Variants in NWD1 observed in about 807,000 individuals in gnomAD.
NWD1 encodes NACHT and WD repeat domain containing 1.
Under a neutral mutation model 135.1 loss-of-function variants are expected in NWD1, and 129 were observed. The observed-to-expected ratio is 0.96, with a 90% CI of 0.83 to 1.11. NWD1 has a LOEUF of 1.11. Among genes scored for constraint, NWD1 ranks in the 50% least tolerant of loss-of-function variants. The pLI is 0.00. For missense variants in NWD1, 1,740 were observed against 1,851.3 expected (o/e 0.94, Z 1.10); for synonymous variants, 773 against 786.0 (o/e 0.98, Z 0.28).
At position 16,732,417 on chromosome 19, in the gene NWD1, G is replaced by A. The variant is rs1038917883; in HGVS notation, c.81+1139G>A. Among the ~76,000 whole-genome samples the A allele has an allele frequency of 2.6e-5, 4 of 151,634 alleles. No homozygotes were observed. In the Admixed American group the frequency reaches 2.6e-4, roughly 10 times the overall value. On this transcript the variant is annotated intron_variant, in intron 3 of 18. Coordinates refer to ENST00000524140, the MANE Select transcript of NWD1 (RefSeq NM_001007525.5). ...CTGCTGTTTTTGTCTTGCCTTCAGA[G>A]CTTCCTGGCCCTCTTCGTACTGGGC... is the stretch of plus-strand genomic sequence containing the variant.
intron 6 of NWD1, among the ~76,000 whole-genome samples, chr19:16,756,399 C>T (rs1373712584): frequency 1.3e-5 from 2 of 152,122 alleles, no homozygotes; most frequent in African/African-American, 4.8e-5. Context: ...GGGACTTGGT[C>T]TTGCTGTCTC....
At chr19:16,775,987 C>T (rs181327136) in intron 11 of NWD1, among the ~76,000 whole-genome samples, 97 of 152,180 alleles carry the variant, frequency 6.4e-4, no homozygotes, top group African/African-American at 2.1e-3. Context: ...GGTCTTTGTG[C>T]GGATAACTAT....
chr19:16,736,298 G>C (rs1042265375), intron 3 of NWD1, among the ~76,000 whole-genome samples: 1 of 148,668 alleles, frequency 6.7e-6, no homozygotes, highest in Non-Finnish European at 1.5e-5. Context: ...AGTACAATAA[G>C]AGCTCACTGC....
intron 7 of NWD1, among the ~76,000 whole-genome samples, 181 bp from the exon 8 acceptor site, chr19:16,761,798 T>G (rs759979878): frequency 6.6e-6 from 1 of 150,446 alleles, no homozygotes; most frequent in African/African-American, 2.5e-5. Context: ...AGTAAATTGA[T>G]GTAAGGAAAA....
intron 9 of NWD1, 30 bp from the exon 10 acceptor site, chr19:16,765,004 T>A: frequency 6.2e-7 from 1 of 1,611,804 alleles, no homozygotes. Flanking sequence ...GGTAGGCACT[T>A]CCCACATCCT....
At position 16,815,044 on chromosome 19, in the gene NWD1, C is replaced by T. The variant is rs113513619; in HGVS notation, c.*5C>T. 5.1e-4 allele frequency: 818 copies of T among 1,613,888 alleles called. 4 individuals are homozygous for T. In the African/African-American group the frequency reaches 9.5e-3, roughly 19 times the overall value. ...CCCTTACAGGCACCCTGCTGACAGT[C>T]CAGTTTGTCCATGCTGTGGTAAACA... On this transcript the variant is annotated 3_prime_UTR_variant, in exon 19 of 19. Transcript: ENST00000524140.
At chr19:16,778,018 G>A (rs969480192) in intron 11 of NWD1, among the ~76,000 whole-genome samples, 2 of 135,838 alleles carry the variant, frequency 1.5e-5, no homozygotes, top group Non-Finnish European at 3.2e-5. Flanking sequence ...GAAGGAAGGG[G>A]AGGGAAGGGA....
At chr19:16,767,786 A>T (rs944919707) in intron 10 of NWD1, among the ~76,000 whole-genome samples, 1 of 151,880 alleles carries the variant, frequency 6.6e-6, no homozygotes, top group Non-Finnish European at 1.5e-5. Context: ...GAGCCAACCC[A>T]TATCTCTCCC....
At chr19:16,721,810 T>C (rs1269820380) in intron 1 of NWD1, among the ~76,000 whole-genome samples, 3 of 152,086 alleles carry the variant, frequency 2.0e-5, no homozygotes, top group African/African-American at 4.8e-5. Context: ...CCTTTACTGC[T>C]GAGAAAATAA....
At chr19:16,750,775 G>A (rs1350964464) in intron 6 of NWD1, among the ~76,000 whole-genome samples, 3 of 152,132 alleles carry the variant, frequency 2.0e-5, no homozygotes, top group Non-Finnish European at 4.4e-5. Flanking sequence ...AGGGTAGCTG[G>A]GACTACAGGC....
At chr19:16,804,451 C>G (rs148036796) in intron 17 of NWD1, among the ~76,000 whole-genome samples, 12 of 151,968 alleles carry the variant, frequency 7.9e-5, no homozygotes, top group African/African-American at 2.7e-4. Flanking sequence ...TAAAAGGTAT[C>G]GGGCTTGGTG....
rs372452196 is a variant in NWD1, at chr19:16,814,732, TCTC to T, written c.4288-290_4288-288del. On this transcript the variant is annotated intron_variant, in intron 18 of 18. Transcript: ENST00000524140. ...GGGCCAGTTCACAACCTCTCTTCCT[TCTC>T]CTCCTTCAACAATAATATTTACTGA... Among the ~76,000 whole-genome samples, 24 of 152,284 alleles carry T rather than the reference TCTC, an allele frequency of 1.6e-4. No homozygotes were observed. In the East Asian group the frequency reaches 3.3e-3, roughly 21 times the overall value.
chr19:16,804,953 T>G (rs1444724420), intron 17 of NWD1, among the ~76,000 whole-genome samples: 1 of 151,302 alleles, frequency 6.6e-6, no homozygotes, highest in Non-Finnish European at 1.5e-5. Flanking sequence ...GCCTCCTGAG[T>G]AGCTGGAACC....
At chr19:16,779,520 T>C in intron 12 of NWD1, 55 bp downstream of exon 12, 1 of 1,554,414 alleles carries the variant, frequency 6.4e-7, no homozygotes, top group Non-Finnish European at 8.8e-7. Context: ...AAGTTGGTTC[T>C]CAGAGCCCCT....
At chr19:16,724,924 C>T (rs1967266937) in intron 2 of NWD1, among the ~76,000 whole-genome samples, 1 of 151,920 alleles carries the variant, frequency 6.6e-6, no homozygotes, top group South Asian at 2.1e-4. Context: ...GAACTCCTGA[C>T]CTCAGGTGGT....
intron 6 of NWD1, among the ~76,000 whole-genome samples, chr19:16,756,109 TG>T (rs1968785671): frequency 6.6e-6 from 1 of 152,082 alleles, no homozygotes; most frequent in African/African-American, 2.4e-5. Context: ...AAAGGGGGGC[TG>T]GGCATGGTGG....
intron 6 of NWD1, among the ~76,000 whole-genome samples, chr19:16,758,467 G>C (rs1045300888): frequency 6.6e-6 from 1 of 151,988 alleles, no homozygotes; most frequent in Non-Finnish European, 1.5e-5. Flanking sequence ...TTGTAGAGAT[G>C]GGGTCTCCCT....
At chr19:16,729,128 C>G in intron 2 of NWD1, among the ~76,000 whole-genome samples, 1 of 151,990 alleles carries the variant, frequency 6.6e-6, no homozygotes, top group African/African-American at 2.4e-5. Flanking sequence ...CCTCGAGAAG[C>G]CAGACTGAGA....
chr19:16,773,939 TATCCATCCATCCATCC>T (rs200226720), intron 11 of NWD1, among the ~76,000 whole-genome samples: 21,128 of 124,110 alleles, frequency 0.17, 4,040 homozygotes, highest in African/African-American at 0.5. Flanking sequence ...TCCATCCATC[TATCCATCCATCCATCC>T]ATCCATCCAT....
Sources: gnomAD v4.1 joint callset for allele counts (sites outside exome capture counted in the v4.1 genomes callset) on GRCh38, gnomAD v4.1.1 for gene constraint, MANE v1.5 for transcripts, NCBI Gene and HGNC (gene_info 2026-07-23, HGNC 2026-07-21) for gene names.